The following CAMTA1 variants were observed in gnomAD, a reference collection of about 807,000 sequenced individuals.
CAMTA1 encodes the protein calmodulin-binding transcription activator 1.
A neutral mutation model predicts 170.9 loss-of-function variants in CAMTA1; 27 were observed. The observed-to-expected ratio is 0.16, with a 90% CI of 0.12 to 0.22. The LOEUF is 0.22. Ranked by LOEUF, CAMTA1 falls within the 10% of genes least tolerant of loss-of-function variation. CAMTA1 has a pLI of 1.00. For missense variants in CAMTA1, 1,619 were observed against 2,217.2 expected, an observed-to-expected ratio of 0.73 and a Z score of 5.42; for synonymous variants, 833 against 891.5, an observed-to-expected ratio of 0.93 and a Z score of 1.17.
chr1:7,512,581 G>A (rs1033597898), intron 6 of CAMTA1, among the ~76,000 whole-genome samples: 2 of 152,226 alleles, frequency 1.3e-5, no homozygotes, highest in South Asian at 2.1e-4. Flanking sequence ...CTGGGGCTTG[G>A]TTTTCTGAGA....
chr1:6,917,037 C>T (rs1032419353), intron 3 of CAMTA1, among the ~76,000 whole-genome samples: 1 of 152,094 alleles, frequency 6.6e-6, no homozygotes, highest in Admixed American at 6.5e-5. Context: ...TAAGCTGAGA[C>T]ATGAAGGATG....
At chr1:7,018,728 G>T (rs1572474800) in intron 3 of CAMTA1, among the ~76,000 whole-genome samples, 1 of 152,160 alleles carries the variant, frequency 6.6e-6, no homozygotes, top group Non-Finnish European at 1.5e-5. Flanking sequence ...GCATGTTTAT[G>T]CTCGGGGAGT....
At chr1:7,252,009 A>G (rs747046048) in intron 5 of CAMTA1, among the ~76,000 whole-genome samples, 14 of 152,260 alleles carry the variant, frequency 9.2e-5, no homozygotes, top group Non-Finnish European at 1.6e-4. Context: ...ATAGCATTCT[A>G]CTATATAAAC....
chr1:7,037,014 G>T (rs1370116102), intron 3 of CAMTA1, among the ~76,000 whole-genome samples: 1 of 152,100 alleles, frequency 6.6e-6, no homozygotes, highest in Non-Finnish European at 1.5e-5. Flanking sequence ...TTTTATAATG[G>T]GATCATTTAT....
chr1:6,828,117 C>T (rs2148535803), intron 3 of CAMTA1, among the ~76,000 whole-genome samples: 1 of 152,142 alleles, frequency 6.6e-6, no homozygotes, highest in South Asian at 2.1e-4. Context: ...TTCGTGTGTG[C>T]TCGCTCGCTC....
At chr1:7,601,806 C>T (rs1437522076) in intron 6 of CAMTA1, among the ~76,000 whole-genome samples, 2,711 of 152,218 alleles carry the variant, frequency 0.018, 63 homozygotes, top group African/African-American at 0.062. Flanking sequence ...TCAGGCATGG[C>T]GGCGCGCGCC....
intron 6 of CAMTA1, among the ~76,000 whole-genome samples, chr1:7,529,372 T>G (rs986950316): frequency 2.0e-5 from 3 of 152,114 alleles, no homozygotes; most frequent in African/African-American, 7.2e-5. Flanking sequence ...GTGCATACCA[T>G]GTGGGAATCT....
chr1:6,950,152 G>A (rs1183816157), intron 3 of CAMTA1, among the ~76,000 whole-genome samples: 1 of 152,202 alleles, frequency 6.6e-6, no homozygotes, highest in African/African-American at 2.4e-5. Flanking sequence ...AGGGGCAGGG[G>A]ATGGTGCTGG....
At chr1:7,235,643 A>G (rs1663687745) in intron 4 of CAMTA1, among the ~76,000 whole-genome samples, 1 of 152,170 alleles carries the variant, frequency 6.6e-6, no homozygotes, top group Non-Finnish European at 1.5e-5. Flanking sequence ...GAAAAGAAAA[A>G]TGAAAGCACA....
intron 6 of CAMTA1, among the ~76,000 whole-genome samples, chr1:7,556,238 G>T (rs1334952371): frequency 6.6e-6 from 1 of 152,082 alleles, no homozygotes; most frequent in Admixed American, 6.5e-5. Context: ...GGTGGCCCTT[G>T]GGGGAAACCC....
rs534242023 is a variant in CAMTA1 at position 7,100,650 on chromosome 1, A to G, written c.302+9279A>G. On this transcript the variant is annotated intron_variant, in intron 4 of 22. Transcript: ENST00000303635. ...ACATGCTTCTTGTGTGTGAGGCCCC[A>G]GGTGCGCAGCCCGACCCACACCAAG... 2.0e-5 allele frequency among the ~76,000 whole-genome samples: 3 copies of G among 152,328 alleles called. 1 individual carries two copies. Among genetic ancestry groups the G allele is most frequent in the Non-Finnish European group, 4.4e-5 (3 of 68,032 alleles).
rs1041021772 is a variant in CAMTA1, at chr1:7,736,626, T to C, written c.3263+86T>C. Reference sequence around the variant, plus strand: ...TGAGCACTGCCACCCGTGGAAGAAATCTACCCATTCAGTCCACTTTATAGC... The same window carrying C: ...TGAGCACTGCCACCCGTGGAAGAAACCTACCCATTCAGTCCACTTTATAGC... On this transcript the variant is annotated intron_variant, in intron 13 of 22. Coordinates refer to ENST00000303635, the MANE Select transcript of CAMTA1 (RefSeq NM_015215.4). This position sits in a 1 kb window ranked among gnomAD's most constrained non-coding sequence, Gnocchi z 4.5. The C allele has an allele frequency of 8.3e-6, 11 of 1,328,416 alleles. No homozygotes were observed. Among genetic ancestry groups the C allele is most frequent in the Non-Finnish European group, 8.6e-6 (8 of 931,246 alleles). The allele number at this position is 1,328,416 out of a possible 1,614,324, so 82.3% of individuals were successfully genotyped here.
chr1:7,751,254 G>A lies in CAMTA1; in HGVS notation c.4745G>A (p.Arg1582Gln). Residue 1582 changes from arginine to glutamine, a missense_variant, in exon 20 of 23, where the codon CGA becomes CAA. Arg to Gln is a conservative substitution (Grantham distance 43). Transcript: ENST00000303635. ...GCCATCCTTATCCAGAGCAAATTCC[G>A]AAGTTACTATGAACAAAAAAAATTC... The part of the protein sequence containing the change: ...QAAILIQSKF[R>Q]SYYEQKKFQQ... The A allele has an allele frequency of 6.2e-7, 1 of 1,611,000 alleles. No individual in the cohort carries two copies. Among genetic ancestry groups the A allele is most frequent in the Non-Finnish European group, 8.5e-7 (1 of 1,179,228 alleles).
chr1:7,170,189 G>A (rs896862776), intron 4 of CAMTA1, among the ~76,000 whole-genome samples: 9 of 151,604 alleles, frequency 5.9e-5, no homozygotes, highest in African/African-American at 1.2e-4. Flanking sequence ...ATGTTTTAGC[G>A]TATGTTCCAT....
At chr1:7,507,109 C>A (rs915175678) in intron 6 of CAMTA1, among the ~76,000 whole-genome samples, 3 of 151,982 alleles carry the variant, frequency 2.0e-5, no homozygotes, top group African/African-American at 7.2e-5. Context: ...CTTACATGCT[C>A]ACCCTCTAAC....
At position 7,665,525 on chromosome 1, in the gene CAMTA1, G is replaced by A. The variant is rs1040270727; in HGVS notation, c.2652+326G>A. ...GCCAAGGAGTTCCAAACCAACCTGG[G>A]CAACGTAGTGAGAACTGGTTTCAAC... On this transcript the variant is annotated intron_variant, in intron 9 of 22. Transcript: ENST00000303635. This position sits in a 1 kb window ranked among gnomAD's most constrained non-coding sequence, Gnocchi z 4.3. Among the ~76,000 whole-genome samples the A allele has an allele frequency of 6.6e-6, 1 of 152,064 alleles. No homozygotes were observed. Among genetic ancestry groups the A allele is most frequent in the Admixed American group, 6.6e-5 (1 of 15,262 alleles).
intron 11 of CAMTA1, among the ~76,000 whole-genome samples, chr1:7,704,500 G>T (rs1184497141): frequency 1.4e-5 from 2 of 146,942 alleles, no homozygotes; most frequent in African/African-American, 4.9e-5. Context: ...GCCGCGCTCC[G>T]CCCGCAACCT....
chr1:6,883,731 G>A (rs965141229), intron 3 of CAMTA1, among the ~76,000 whole-genome samples: 1 of 152,090 alleles, frequency 6.6e-6, no homozygotes, highest in African/African-American at 2.4e-5. Flanking sequence ...GTATCATGGA[G>A]GGGTCAGTTT....
intron 5 of CAMTA1, among the ~76,000 whole-genome samples, chr1:7,314,299 T>C (rs912862338): frequency 6.6e-6 from 1 of 152,176 alleles, no homozygotes; most frequent in African/African-American, 2.4e-5. Context: ...ACAGCAGTTC[T>C]GGGTGAGCAC....
Sources: allele counts gnomAD v4.1 joint callset (sites outside exome capture counted in the v4.1 genomes callset), GRCh38; gene constraint gnomAD v4.1.1; non-coding constraint Gnocchi (gnomAD v3.1); transcripts MANE v1.5; gene names NCBI Gene and HGNC (gene_info 2026-07-23, HGNC 2026-07-21).